The following ZBTB16 variants were observed in gnomAD, a reference collection of about 807,000 sequenced individuals.
ZBTB16 encodes the protein zinc finger and BTB domain-containing protein 16.
Under a neutral mutation model 56.8 loss-of-function variants are expected in ZBTB16, and 8 were observed. The ratio of observed to expected loss-of-function variants is 0.14; its 90% CI spans 0.08 to 0.25. The LOEUF is 0.25. Among genes scored for constraint, ZBTB16 ranks in the 10% least tolerant of loss-of-function variants. ZBTB16 has a pLI of 1.00. For missense variants in ZBTB16, 625 were observed against 903.0 expected, an observed-to-expected ratio of 0.69 and a Z score of 3.95; for synonymous variants, 363 against 368.5, an observed-to-expected ratio of 0.98 and a Z score of 0.17.
intron 2 of ZBTB16, among the ~76,000 whole-genome samples, chr11:114,103,095 A>T (rs538494539): frequency 6.6e-6 from 1 of 152,324 alleles, no homozygotes; most frequent in South Asian, 2.1e-4. Flanking sequence ...CATTGCATTG[A>T]TAATTGTTTC....
chr11:114,242,478 C>G, intron 5 of ZBTB16, 141 bp downstream of exon 5: 1 of 1,244,534 alleles, frequency 8.0e-7, no homozygotes, highest in Non-Finnish European at 1.1e-6. Flanking sequence ...AGAGGCTGCC[C>G]GTCGTGCAGG....
At chr11:114,137,581 C>G (rs1941831189) in intron 2 of ZBTB16, among the ~76,000 whole-genome samples, 1 of 152,204 alleles carries the variant, frequency 6.6e-6, no homozygotes, top group Non-Finnish European at 1.5e-5. Context: ...CCAAATCCTT[C>G]CAGCCCGCTT....
chr11:114,238,387 T>C (rs893701769), intron 4 of ZBTB16, among the ~76,000 whole-genome samples: 1 of 151,858 alleles, frequency 6.6e-6, no homozygotes, highest in African/African-American at 2.4e-5. Context: ...TTCTCACAGC[T>C]CTGGAGGCTG....
intron 4 of ZBTB16, among the ~76,000 whole-genome samples, chr11:114,207,436 C>G (rs1943906067): frequency 6.6e-6 from 1 of 152,186 alleles, no homozygotes; most frequent in Admixed American, 6.5e-5. Context: ...TCCTCACAAT[C>G]AGAGTCACAG....
chr11:114,234,198 C>T (rs533055030), intron 4 of ZBTB16, among the ~76,000 whole-genome samples: 1 of 152,262 alleles, frequency 6.6e-6, no homozygotes, highest in East Asian at 1.9e-4. Flanking sequence ...GAAAAAGGGG[C>T]AGAGAGGGCT....
chr11:114,217,739 G>A lies in ZBTB16; in HGVS notation c.1454-24428G>A, dbSNP rs1272723893. 3.9e-5 allele frequency among the ~76,000 whole-genome samples: 6 copies of A among 152,270 alleles called. No individual in the cohort carries two copies. In the East Asian group the frequency reaches 5.8e-4, roughly 15 times the overall value. On this transcript the variant is annotated intron_variant, in intron 4 of 6. Transcript: ENST00000335953. Reference sequence around the variant, plus strand: ...CTGGACAGATGGCGGGGCATGAAGCGTCATGAGTTAAGGGCAGAACACCAT... The same window carrying A: ...CTGGACAGATGGCGGGGCATGAAGCATCATGAGTTAAGGGCAGAACACCAT...
intron 2 of ZBTB16, among the ~76,000 whole-genome samples, chr11:114,079,004 C>T (rs758698705): frequency 6.6e-6 from 1 of 151,252 alleles, no homozygotes; most frequent in Non-Finnish European, 1.5e-5. Flanking sequence ...CCCAGCTAGT[C>T]GGGAGAGGCT....
At chr11:114,084,860 G>A (rs960616301) in intron 2 of ZBTB16, among the ~76,000 whole-genome samples, 6 of 152,200 alleles carry the variant, frequency 3.9e-5, no homozygotes, top group Non-Finnish European at 7.3e-5. Flanking sequence ...CCTGCATCCC[G>A]TTTTTAGTCA....
intron 5 of ZBTB16, among the ~76,000 whole-genome samples, chr11:114,243,656 C>T (rs991270468): frequency 5.9e-5 from 9 of 152,310 alleles, no homozygotes; most frequent in Non-Finnish European, 7.3e-5. Context: ...ACAGCGATTG[C>T]GTAAGCATTT....
chr11:114,072,670 C>T (rs1283560810), intron 2 of ZBTB16, among the ~76,000 whole-genome samples: 2 of 152,174 alleles, frequency 1.3e-5, no homozygotes, highest in Admixed American at 6.5e-5. Context: ...CTCTGTAAGA[C>T]CTCTAGCTGT....
intron 4 of ZBTB16, among the ~76,000 whole-genome samples, chr11:114,219,351 G>A (rs745366907): frequency 2.6e-5 from 4 of 152,164 alleles, no homozygotes; most frequent in Non-Finnish European, 5.9e-5. Flanking sequence ...GCAACCTGTA[G>A]CATCCAAGTT....
At chr11:114,088,095 T>C (rs1279837463) in intron 2 of ZBTB16, among the ~76,000 whole-genome samples, 1 of 151,504 alleles carries the variant, frequency 6.6e-6, no homozygotes, top group Non-Finnish European at 1.5e-5. Flanking sequence ...TGTCCCTCCA[T>C]TGGAGCTCCC....
In ZBTB16 at chr11:114,250,247, G is replaced by T. The variant is rs541344966; in HGVS notation, c.1793-79G>T. On this transcript the variant is annotated intron_variant, in intron 6 of 6. Coordinates refer to ENST00000335953, the MANE Select transcript of ZBTB16 (RefSeq NM_006006.6). This position sits in a 1 kb window ranked among gnomAD's most constrained non-coding sequence, Gnocchi z 6.0. ...CAGCTGGAGGAACCCAGCTTCCCTG[G>T]CACGCCTGAGGGTGACATGGTGCCC... The T allele has an allele frequency of 3.6e-5, 55 of 1,521,382 alleles. No homozygotes were observed. The South Asian group carries it at 5.9e-4, about 16-fold the overall frequency. The allele number at this position is 1,521,382 out of a possible 1,614,324, so 94.2% of individuals were successfully genotyped here.
intron 4 of ZBTB16, among the ~76,000 whole-genome samples, chr11:114,191,584 C>T (rs1943494609): frequency 6.6e-6 from 1 of 152,164 alleles, no homozygotes; most frequent in Non-Finnish European, 1.5e-5. Flanking sequence ...TTCCACGACT[C>T]CCCAGCTGCC....
chr11:114,142,750 G>A (rs567509502), intron 2 of ZBTB16, among the ~76,000 whole-genome samples: 7 of 143,060 alleles, frequency 4.9e-5, no homozygotes, highest in African/African-American at 1.7e-4. Flanking sequence ...GGAGGAGCAT[G>A]GGGCCTTGGG....
chr11:114,212,758 T>C (rs183517103), intron 4 of ZBTB16, among the ~76,000 whole-genome samples: 2 of 152,272 alleles, frequency 1.3e-5, no homozygotes, highest in Admixed American at 6.5e-5. Context: ...CTTAAATTCC[T>C]TGGGCTGGAA....
At chr11:114,124,906 C>T (rs11214873) in intron 2 of ZBTB16, among the ~76,000 whole-genome samples, 3,817 of 152,236 alleles carry the variant, frequency 0.025, 63 homozygotes, top group South Asian at 0.042. Context: ...GTCTCTTGAC[C>T]TCAGGAAGCT....
At position 114,193,467 on chromosome 11, in the gene ZBTB16, C is replaced by T. The variant is rs529940452; in HGVS notation, c.1453+6429C>T. On this transcript the variant is annotated intron_variant, in intron 4 of 6. Transcript: ENST00000335953. Reference sequence around the variant, plus strand: ...CAGCAGTTTTACCCTCAGGATAGGGCTGGCAAAGAGGGGTCCTGTGTGACC... The same window carrying T: ...CAGCAGTTTTACCCTCAGGATAGGGTTGGCAAAGAGGGGTCCTGTGTGACC... Among the ~76,000 whole-genome samples, 19 of 152,244 alleles carry T rather than the reference C, an allele frequency of 1.2e-4. 1 individual carries two copies. The South Asian group carries it at 3.1e-3, about 25-fold the overall frequency.
intron 4 of ZBTB16, among the ~76,000 whole-genome samples, chr11:114,198,496 T>C (rs543945094): frequency 1.3e-5 from 2 of 152,164 alleles, no homozygotes; most frequent in African/African-American, 2.4e-5. Flanking sequence ...AGCTATTCTT[T>C]CTCTCCATTG....
Sources: gnomAD v4.1 joint callset for allele counts (sites outside exome capture counted in the v4.1 genomes callset) on GRCh38, gnomAD v4.1.1 for gene constraint, Gnocchi (gnomAD v3.1) non-coding constraint, MANE v1.5 for transcripts, NCBI Gene and HGNC (gene_info 2026-07-23, HGNC 2026-07-21) for gene names.